Variants in OS9 observed in about 807,000 individuals in gnomAD.
The protein encoded by OS9 is protein OS-9.
In OS9, 58 loss-of-function variants were observed where a neutral mutation model predicts 84.7. That is an observed-to-expected ratio of 0.68 (90% CI 0.55 to 0.85). The LOEUF is 0.85. OS9 is among the 40% of genes least tolerant of loss of function. OS9 has a pLI of 0.00. For synonymous variants in OS9, 278 were observed against 320.8 expected (o/e 0.87, Z 1.43); for missense variants, 760 against 850.9 (o/e 0.89, Z 1.33).
chr12:57,717,988 A>G (rs763020778), intron 10 of OS9, 30 bp downstream of exon 10: 4 of 1,577,838 alleles, frequency 2.5e-6, no homozygotes, highest in Non-Finnish European at 3.5e-6. Context: ...AATGGGTAGA[A>G]CCCACCTCCC....
chr12:57,715,586 A>G (rs1164635633), intron 5 of OS9, 174 bp from the exon 6 acceptor site: 3 of 515,480 alleles, frequency 5.8e-6, no homozygotes, highest in African/African-American at 3.9e-5. Flanking sequence ...TGAGAAACCA[A>G]TATCGCCTCA....
intron 5 of OS9, among the ~76,000 whole-genome samples, chr12:57,699,522 T>C (rs750441482): frequency 2.2e-4 from 33 of 152,166 alleles, no homozygotes; most frequent in Admixed American, 7.2e-4. Flanking sequence ...GGGAAATTGG[T>C]CCATGGTGTT....
chr12:57,712,474 C>G (rs1399946946), intron 5 of OS9, among the ~76,000 whole-genome samples: 1 of 143,468 alleles, frequency 7.0e-6, no homozygotes, highest in Non-Finnish European at 1.5e-5. Flanking sequence ...GGTCAGAGAA[C>G]ACACTTTGTG....
rs765286978 is a variant in OS9 at position 57,720,403 on chromosome 12, C to T, written c.1766-3C>T. On this transcript the variant is annotated splice_polypyrimidine_tract_variant and splice_region_variant and intron_variant, in intron 13 of 14. Transcript: ENST00000315970. ...CCTCTCACTGCATACTGCTCCTTTCCAGGGAAAATTGAGATCAAAATTGTC... is the reference window on the plus strand; with the variant it reads ...CCTCTCACTGCATACTGCTCCTTTCTAGGGAAAATTGAGATCAAAATTGTC... 4 of 1,612,356 alleles carry T rather than the reference C, an allele frequency of 2.5e-6. No individual in the cohort carries two copies. The highest frequency in any genetic ancestry group is 3.4e-6 in the Non-Finnish European group (4 of 1,178,322).
chr12:57,715,863 G>A lies in OS9; in HGVS notation c.683G>A (p.Cys228Tyr). Residue 228 changes from cysteine to tyrosine, a missense_variant, in exon 6 of 15, where the codon TGC becomes TAC. Physicochemically the swap from Cys to Tyr is radical, Grantham distance 194 (BLOSUM62 -2). Transcript: ENST00000315970. ...CTGACCATTCGCACTCCTCGGCTCT[G>A]CCCCCACCCTCTCCTCCGGCCCCCA... ...YVLTIRTPRL[C>Y]PHPLLRPPPS... 6.2e-7 allele frequency: 1 copy of A among 1,613,682 alleles called. No homozygotes were observed. The highest frequency in any genetic ancestry group is 8.5e-7 in the Non-Finnish European group (1 of 1,179,788).
chr12:57,702,087 G>T (rs1235208660), intron 5 of OS9, among the ~76,000 whole-genome samples: 2 of 152,180 alleles, frequency 1.3e-5, no homozygotes, highest in African/African-American at 2.4e-5. Context: ...GAGCCACCAT[G>T]CCTGGCCCTC....
At chr12:57,702,769 A>T (rs1326508906) in intron 5 of OS9, among the ~76,000 whole-genome samples, 1 of 152,092 alleles carries the variant, frequency 6.6e-6, no homozygotes, top group Non-Finnish European at 1.5e-5. Flanking sequence ...TTTTTCAGTA[A>T]TAGCCATCTT....
intron 5 of OS9, 28 bp downstream of exon 5, chr12:57,696,401 C>CTCCCACAG (rs1406112484): frequency 1.6e-6 from 2 of 1,244,558 alleles, no homozygotes; most frequent in East Asian, 5.3e-5. Context: ...GAAGTTGACA[C>CTCCCACAG]TCCCACAGGG....
chr12:57,710,786 T>A (rs1273754114), intron 5 of OS9, among the ~76,000 whole-genome samples: 1 of 152,116 alleles, frequency 6.6e-6, no homozygotes, highest in African/African-American at 2.4e-5. Flanking sequence ...ATGCCTGTAA[T>A]CCCAGCACTT....
chr12:57,698,944 C>T (rs1475292286), intron 5 of OS9, among the ~76,000 whole-genome samples: 1 of 152,158 alleles, frequency 6.6e-6, no homozygotes, highest in Non-Finnish European at 1.5e-5. Flanking sequence ...AAGGCCCACT[C>T]TAGCTGGAGT....
chr12:57,718,452 A>G, intron 11 of OS9, 31 bp downstream of exon 11: 1 of 1,600,536 alleles, frequency 6.2e-7, no homozygotes, highest in Non-Finnish European at 8.5e-7. Context: ...TGTTGCTTCC[A>G]CAGCCGCCTG....
At chr12:57,717,526 C>A (rs1565780946) in intron 9 of OS9, among the ~76,000 whole-genome samples, 1 of 152,170 alleles carries the variant, frequency 6.6e-6, no homozygotes, top group Non-Finnish European at 1.5e-5. Flanking sequence ...GGCGTGGTGG[C>A]TCATGCCTGT....
Position 57,717,971 on chromosome 12 carries a change from C to G in OS9, c.1134+13C>G, listed in dbSNP as rs1395214578. 2.5e-6 allele frequency: 4 copies of G among 1,599,668 alleles called. No individual in the cohort carries two copies. Among genetic ancestry groups the G allele is most frequent in the Non-Finnish European group, 3.4e-6 (4 of 1,173,534 alleles). ...TGGAACAAAAAAGGTATAGGCCGTG[C>G]TTAGGGAATGGGTAGAACCCACCTC... is the stretch of plus-strand genomic sequence containing the variant. On this transcript the variant is annotated intron_variant, in intron 10 of 14. Coordinates refer to ENST00000315970, the MANE Select transcript of OS9 (RefSeq NM_006812.4).
intron 5 of OS9, among the ~76,000 whole-genome samples, chr12:57,703,141 C>T (rs1402963591): frequency 1.3e-5 from 2 of 152,246 alleles, no homozygotes; most frequent in African/African-American, 2.4e-5. Flanking sequence ...CTGCAACCTC[C>T]GCCTCCCAGG....
chr12:57,696,117 T>A, intron 4 of OS9, 79 bp downstream of exon 4: 2 of 1,279,536 alleles, frequency 1.6e-6, no homozygotes, highest in South Asian at 2.4e-5. Context: ...AGGGTCAAGA[T>A]TAGCTGATCT....
rs772687812 is a variant in OS9, at chr12:57,694,332, C to T, written c.162+9C>T. 1.9e-6 allele frequency: 3 copies of T among 1,613,550 alleles called. No individual in the cohort carries two copies. The South Asian group carries it at 3.3e-5, about 18-fold the overall frequency. On this transcript the variant is annotated intron_variant, in intron 1 of 14. Coordinates refer to ENST00000315970, the MANE Select transcript of OS9 (RefSeq NM_006812.4). ...CTGTCATGGGAGGGCAGGTGAGAGGCGTATAAGGGGCGAGGGTCTGGGCAG... is the reference window on the plus strand; with the variant it reads ...CTGTCATGGGAGGGCAGGTGAGAGGTGTATAAGGGGCGAGGGTCTGGGCAG...
intron 5 of OS9, among the ~76,000 whole-genome samples, chr12:57,704,843 T>A (rs1954122011): frequency 6.6e-6 from 1 of 152,340 alleles, no homozygotes; most frequent in Admixed American, 6.5e-5. Context: ...TATTTACTAT[T>A]CATCTGTTTT....
At chr12:57,719,688 A>C in intron 12 of OS9, 1 of 196,570 alleles carries the variant, frequency 5.1e-6, no homozygotes. Context: ...TCTAAATGGA[A>C]TGTTCCAGTT....
Position 57,719,338 on chromosome 12 carries a change from C to T in OS9, c.1600+156C>T, listed in dbSNP as rs544580966. 9.9e-5 allele frequency: 63 copies of T among 635,900 alleles called. 1 individual carries two copies. In the South Asian group the frequency reaches 1.2e-3, roughly 12 times the overall value. 39.4% of individuals were successfully genotyped at this position (635,900 alleles called of 1,614,324 possible). ...GTCCTCACTTGCGCCTGCTTCCCAA[C>T]ACCATCATCCCTTTGCGTGTTTACC... On this transcript the variant is annotated intron_variant, in intron 12 of 14. Transcript: ENST00000315970.
Sources: gnomAD v4.1 joint callset for allele counts (sites outside exome capture counted in the v4.1 genomes callset) on GRCh38, gnomAD v4.1.1 for gene constraint, MANE v1.5 for transcripts, NCBI Gene and HGNC (gene_info 2026-07-23, HGNC 2026-07-21) for gene names.